Variants in ASXL2 observed in about 807,000 individuals in gnomAD.
ASXL2 encodes putative Polycomb group protein ASXL2.
ASXL2 carries 23 observed loss-of-function variants against 122.0 expected under a neutral mutation model. The ratio of observed to expected loss-of-function variants is 0.19; its 90% CI spans 0.14 to 0.27. ASXL2 has a LOEUF of 0.27. Ranked by LOEUF, ASXL2 falls within the 10% of genes least tolerant of loss-of-function variation. The pLI is 1.00. For missense variants in ASXL2, 1,518 were observed against 1,713.8 expected, an observed-to-expected ratio of 0.89 and a Z score of 2.02; for synonymous variants, 650 against 637.0, an observed-to-expected ratio of 1.02 and a Z score of -0.31.
intron 8 of ASXL2, among the ~76,000 whole-genome samples, chr2:25,762,665 G>GAAAAAAAAAAAAAAAAAAAAAAAAA (rs60065368): frequency 2.9e-5 from 1 of 34,266 alleles, no homozygotes; most frequent in South Asian, 1.5e-3. Context: ...ACTCTTTCTC[G>GAAAAAAAAAAAAAAAAAAAAAAAAA]AAAAAAAAAA....
In ASXL2 at chr2:25,768,779, A is replaced by G; in HGVS notation, c.594T>C (p.Thr198=). ...ISSNQHLSLK[T]VKAASDSVPA... ...GTACAGAGTCACTGGCTGCTTTGAC[A>G]GTCTTTAGTGAGAGATGCTGGTTGG... Residue 198 remains threonine, a synonymous_variant, in exon 7 of 13, where the codon ACT becomes ACC. Transcript: ENST00000435504. 17 of 1,613,864 alleles carry G rather than the reference A, an allele frequency of 1.1e-5. No individual in the cohort carries two copies. The highest frequency in any genetic ancestry group is 1.4e-5 in the Non-Finnish European group (17 of 1,179,796).
intron 1 of ASXL2, among the ~76,000 whole-genome samples, chr2:25,847,267 G>A (rs1012950462): frequency 6.6e-6 from 1 of 152,100 alleles, no homozygotes; most frequent in African/African-American, 2.4e-5. Context: ...TGATCTCTCT[G>A]CTACATCTAA....
rs557377560 is a variant in ASXL2 at position 25,774,900 on chromosome 2, G to C, written c.404-3360C>G. Among the ~76,000 whole-genome samples the C allele has an allele frequency of 3.3e-5, 5 of 152,138 alleles. No individual in the cohort carries two copies. In the South Asian group the frequency reaches 1.0e-3, roughly 32 times the overall value. ...CTCCTGGTTGCTGTGTTTATATCAG[G>C]CTTTCTCAGATTGCTAAGAAAGCTG... On this transcript the variant is annotated intron_variant, in intron 5 of 12. Coordinates refer to ENST00000435504, the MANE Select transcript of ASXL2 (RefSeq NM_018263.6).
chr2:25,746,759 C>T (rs1376394581), intron 12 of ASXL2, among the ~76,000 whole-genome samples: 5 of 152,206 alleles, frequency 3.3e-5, no homozygotes, highest in Non-Finnish European at 7.4e-5. Context: ...GTAAATAGCC[C>T]TATTACCTGA....
intron 1 of ASXL2, among the ~76,000 whole-genome samples, chr2:25,868,509 C>CG (rs900653835): frequency 1.1e-4 from 17 of 152,214 alleles, no homozygotes; most frequent in African/African-American, 4.1e-4. Context: ...TAACTACATT[C>CG]GCATTTACCG....
intron 5 of ASXL2, among the ~76,000 whole-genome samples, chr2:25,791,698 C>T (rs893534023): frequency 8.5e-5 from 13 of 152,082 alleles, no homozygotes; most frequent in Non-Finnish European, 1.9e-4. Context: ...TCCTGTCTTC[C>T]CTAGTGATTA....
intron 5 of ASXL2, among the ~76,000 whole-genome samples, chr2:25,789,633 A>G (rs1203381410): frequency 6.6e-6 from 1 of 152,154 alleles, no homozygotes; most frequent in Non-Finnish European, 1.5e-5. Flanking sequence ...GAAATGCCCA[A>G]AATCAGAAAA....
intron 11 of ASXL2, among the ~76,000 whole-genome samples, chr2:25,752,859 A>G (rs2088069216): frequency 6.6e-6 from 1 of 152,146 alleles, no homozygotes; most frequent in South Asian, 2.1e-4. Context: ...AAAAGAAAAA[A>G]AAAAAAAAGA....
intron 12 of ASXL2, among the ~76,000 whole-genome samples, chr2:25,745,449 G>A (rs1389990414): frequency 1.3e-5 from 2 of 150,424 alleles, no homozygotes; most frequent in Non-Finnish European, 3.0e-5. Flanking sequence ...CTGACCTCTT[G>A]TGATATACCT....
chr2:25,752,228 G>GA (rs1243971973), intron 11 of ASXL2, among the ~76,000 whole-genome samples: 3 of 152,184 alleles, frequency 2.0e-5, no homozygotes, highest in Non-Finnish European at 4.4e-5. Context: ...CAGAAGGAAG[G>GA]AAGGGAGACT....
chr2:25,842,717 T>C (rs529375297), intron 2 of ASXL2, among the ~76,000 whole-genome samples: 4 of 151,092 alleles, frequency 2.6e-5, no homozygotes, highest in African/African-American at 9.7e-5. Flanking sequence ...GATAGATAGA[T>C]AGATAGATGT....
chr2:25,766,632 G>A (rs1024248900), intron 8 of ASXL2, among the ~76,000 whole-genome samples: 3 of 152,208 alleles, frequency 2.0e-5, no homozygotes, highest in African/African-American at 7.2e-5. Context: ...AACACGATGG[G>A]AGGAAGAAGG....
Position 25,845,461 on chromosome 2 carries a change from A to C in ASXL2, c.140+20T>G. 7.1e-7 allele frequency: 1 copy of C among 1,398,876 alleles called. No individual in the cohort carries two copies. Among genetic ancestry groups the C allele is most frequent in the Non-Finnish European group, 9.5e-7 (1 of 1,048,176 alleles). 86.7% of individuals were successfully genotyped at this position (1,398,876 alleles called of 1,614,324 possible). ...TGATCAAGTATTATAATTATTACTA[A>C]AAATATTTAAATAACTCACCTGATT... On this transcript the variant is annotated intron_variant, in intron 2 of 12. Transcript: ENST00000435504.
chr2:25,819,590 A>G (rs183632466), intron 3 of ASXL2, among the ~76,000 whole-genome samples: 1 of 152,346 alleles, frequency 6.6e-6, no homozygotes, highest in Admixed American at 6.5e-5. Flanking sequence ...TCTAATCATA[A>G]TTAAACAGCA....
intron 5 of ASXL2, among the ~76,000 whole-genome samples, chr2:25,775,544 G>A (rs181801697): frequency 3.0e-4 from 45 of 152,236 alleles, no homozygotes; most frequent in African/African-American, 9.9e-4. Flanking sequence ...CGTTGTTCTC[G>A]TGATAGTGAG....
Position 25,801,085 on chromosome 2 carries a change from C to T in ASXL2, c.253-1550G>A, listed in dbSNP as rs138832566. Among the ~76,000 whole-genome samples the T allele has an allele frequency of 3.6e-3, 543 of 152,222 alleles. 4 individuals carry two copies. The highest frequency in any genetic ancestry group is 0.013 in the African/African-American group (522 of 41,516). ...GGGACTACAGGTGTGTGCCACCATACCCGGCTAATTTTTTAAATTTTTTTA... is the reference window on the plus strand; with the variant it reads ...GGGACTACAGGTGTGTGCCACCATATCCGGCTAATTTTTTAAATTTTTTTA... On this transcript the variant is annotated intron_variant, in intron 4 of 12. Transcript: ENST00000435504.
chr2:25,876,641 G>A (rs2090012013), intron 1 of ASXL2, among the ~76,000 whole-genome samples: 1 of 152,154 alleles, frequency 6.6e-6, no homozygotes, highest in Non-Finnish European at 1.5e-5. Flanking sequence ...AAGAGGTCTT[G>A]AGGTATACTG....
chr2:25,864,299 A>G (rs1268221275), intron 1 of ASXL2, among the ~76,000 whole-genome samples: 1 of 152,148 alleles, frequency 6.6e-6, no homozygotes, highest in East Asian at 1.9e-4. Flanking sequence ...CTAAGAAAGA[A>G]ACATTACAAC....
chr2:25,746,299 T>C (rs75370813), intron 12 of ASXL2, among the ~76,000 whole-genome samples: 4,627 of 152,254 alleles, frequency 0.03, 95 homozygotes, highest in Non-Finnish European at 0.045. Context: ...GCCATGGGAC[T>C]TCATAACAGG....
Sources: allele counts gnomAD v4.1 joint callset (sites outside exome capture counted in the v4.1 genomes callset), GRCh38; gene constraint gnomAD v4.1.1; transcripts MANE v1.5; gene names NCBI Gene and HGNC (gene_info 2026-07-23, HGNC 2026-07-21).